The following C14orf132 variants were observed in gnomAD, a reference collection of about 807,000 sequenced individuals.
C14orf132 encodes the protein uncharacterized protein C14orf132.
A neutral mutation model predicts 5.8 loss-of-function variants in C14orf132; 6 were observed. The observed-to-expected ratio is 1.03, with a 90% CI of 0.57 to 2.04. The LOEUF is 2.04. Among genes scored for constraint, C14orf132 ranks in the 30% most tolerant of loss-of-function variants. The pLI is 0.00. For missense variants in C14orf132, 125 were observed against 115.8 expected (o/e 1.08, Z -0.37); for synonymous variants, 51 against 49.8 (o/e 1.02, Z -0.10).
chr14:96,053,220 C>T (rs1396277912), intron 1 of C14orf132, among the ~76,000 whole-genome samples: 1 of 152,200 alleles, frequency 6.6e-6, no homozygotes, highest in Non-Finnish European at 1.5e-5. Context: ...AGAATCCACA[C>T]CTTTCCCCGG....
intron 1 of C14orf132, among the ~76,000 whole-genome samples, chr14:96,081,749 C>T (rs779085684): frequency 6.6e-6 from 1 of 152,022 alleles, no homozygotes; most frequent in Non-Finnish European, 1.5e-5. Context: ...CAAGTGTGCA[C>T]CACCACACTC....
intron 1 of C14orf132, among the ~76,000 whole-genome samples, chr14:96,070,836 C>T (rs980035522): frequency 6.6e-6 from 1 of 152,076 alleles, no homozygotes; most frequent in Admixed American, 6.5e-5. Flanking sequence ...ATGGGGTGCA[C>T]CTGCATCACC....
chr14:96,053,442 A>C (rs571573245), intron 1 of C14orf132, among the ~76,000 whole-genome samples: 1 of 152,352 alleles, frequency 6.6e-6, no homozygotes, highest in East Asian at 1.9e-4. Context: ...GCAGCCATGC[A>C]GAGAGGTGCC....
chr14:96,065,625 T>A (rs1887508742), intron 1 of C14orf132, among the ~76,000 whole-genome samples: 1 of 148,898 alleles, frequency 6.7e-6, no homozygotes, highest in Non-Finnish European at 1.5e-5. Context: ...AGTTTTTTTC[T>A]TGGTACCTCT....
In C14orf132 at chr14:96,086,766, A is replaced by G. The variant is rs1254969149; in HGVS notation, c.*31A>G. On this transcript the variant is annotated 3_prime_UTR_variant, in exon 2 of 2. Transcript: ENST00000555004. The stretch of plus-strand genomic sequence containing the variant: ...GCACACCCTGCACCACCATGGGGTG[A>G]GGCTTGGCACGTAGCTCTGACTTGC... 3 of 1,528,144 alleles carry G rather than the reference A, an allele frequency of 2.0e-6. No homozygotes were observed. The highest frequency in any genetic ancestry group is 1.2e-5 in the South Asian group (1 of 83,770). The allele number at this position is 1,528,144 out of a possible 1,614,324, so 94.7% of individuals were successfully genotyped here.
chr14:96,084,501 T>C (rs765455861), intron 1 of C14orf132, among the ~76,000 whole-genome samples: 2 of 152,200 alleles, frequency 1.3e-5, no homozygotes, highest in Non-Finnish European at 2.9e-5. Context: ...GGCATGTGTC[T>C]GATGCACCCA....
At chr14:96,080,845 G>A (rs1429516545) in intron 1 of C14orf132, among the ~76,000 whole-genome samples, 1 of 152,178 alleles carries the variant, frequency 6.6e-6, no homozygotes, top group Non-Finnish European at 1.5e-5. Flanking sequence ...CAAGCCTGGG[G>A]CACCCTTCTG....
intron 1 of C14orf132, among the ~76,000 whole-genome samples, chr14:96,055,628 C>T (rs913935284): frequency 3.3e-5 from 5 of 152,144 alleles, no homozygotes; most frequent in Non-Finnish European, 5.9e-5. Context: ...TCTGATCCTC[C>T]GTTTTCCGCA....
intron 1 of C14orf132, among the ~76,000 whole-genome samples, chr14:96,073,310 G>C (rs1006386016): frequency 6.6e-6 from 1 of 152,068 alleles, no homozygotes; most frequent in Non-Finnish European, 1.5e-5. Flanking sequence ...CTATTTAGCT[G>C]TTCAGATCTT....
chr14:96,057,036 A>C (rs999859578), intron 1 of C14orf132, among the ~76,000 whole-genome samples: 1 of 152,214 alleles, frequency 6.6e-6, no homozygotes, highest in African/African-American at 2.4e-5. Flanking sequence ...AGCATCAGAC[A>C]CTTAATGGGG....
At chr14:96,081,924 G>A (rs1287999010) in intron 1 of C14orf132, among the ~76,000 whole-genome samples, 1 of 152,116 alleles carries the variant, frequency 6.6e-6, no homozygotes, top group Non-Finnish European at 1.5e-5. Context: ...TGTTGTTGTT[G>A]TTTCTTTTTT....
chr14:96,058,281 T>A (rs1225722972), intron 1 of C14orf132, among the ~76,000 whole-genome samples: 2 of 152,158 alleles, frequency 1.3e-5, no homozygotes, highest in Non-Finnish European at 2.9e-5. Flanking sequence ...CTCCTGGAAG[T>A]AACTGCCTTC....
At chr14:96,059,081 G>A (rs2139656442) in intron 1 of C14orf132, among the ~76,000 whole-genome samples, 1 of 152,322 alleles carries the variant, frequency 6.6e-6, no homozygotes, top group South Asian at 2.1e-4. Context: ...GTGCAACATA[G>A]TGAGACTCTG....
chr14:96,080,122 C>T (rs1887987613), intron 1 of C14orf132, among the ~76,000 whole-genome samples: 1 of 152,224 alleles, frequency 6.6e-6, no homozygotes, highest in South Asian at 2.1e-4. Context: ...CACAGACTCT[C>T]ACTTTAGGCC....
rs541715584 is a variant in C14orf132, at chr14:96,063,045, A to T, written c.28-23466A>T. Among the ~76,000 whole-genome samples the T allele has an allele frequency of 3.4e-4, 52 of 152,062 alleles. 1 individual carries two copies. Among genetic ancestry groups the T allele is most frequent in the African/African-American group, 1.1e-3 (44 of 41,432 alleles). On this transcript the variant is annotated intron_variant, in intron 1 of 1. Coordinates refer to ENST00000555004, the MANE Select transcript of C14orf132 (RefSeq NM_001252507.3). ...GTCAGTACTTTTATCACAGAAAAAA[A>T]TTTTTTCATCTGATGCTTTTAAAGA...
intron 1 of C14orf132, among the ~76,000 whole-genome samples, chr14:96,073,624 G>C (rs1887776060): frequency 6.6e-6 from 1 of 152,200 alleles, no homozygotes; most frequent in African/African-American, 2.4e-5. Flanking sequence ...AGACTGTGTG[G>C]CAGTTCCTCA....
At chr14:96,070,961 G>A (rs748989475) in intron 1 of C14orf132, among the ~76,000 whole-genome samples, 8 of 152,168 alleles carry the variant, frequency 5.3e-5, no homozygotes, top group South Asian at 2.1e-4. Context: ...TGCAGAGACC[G>A]CTGAGCTCAC....
chr14:96,059,993 G>A (rs147810478), intron 1 of C14orf132, among the ~76,000 whole-genome samples: 82 of 152,278 alleles, frequency 5.4e-4, no homozygotes, highest in African/African-American at 1.9e-3. Context: ...CCCCATAGTG[G>A]TGCCCCAAAT....
chr14:96,084,460 G>C (rs1035117296), intron 1 of C14orf132, among the ~76,000 whole-genome samples: 2 of 152,168 alleles, frequency 1.3e-5, no homozygotes, highest in African/African-American at 4.8e-5. Flanking sequence ...CGATGATGTC[G>C]CCTGGGGAAG....
Sources: allele counts gnomAD v4.1 joint callset (sites outside exome capture counted in the v4.1 genomes callset), GRCh38; gene constraint gnomAD v4.1.1; transcripts MANE v1.5; gene names NCBI Gene and HGNC (gene_info 2026-07-23, HGNC 2026-07-21).